GRK5: variants seen among roughly 807,000 people sequenced by gnomAD.
GRK5 encodes the protein G protein-coupled receptor kinase 5.
GRK5 carries 40 observed loss-of-function variants against 78.4 expected under a neutral mutation model. That is an observed-to-expected ratio of 0.51 (90% CI 0.40 to 0.66). GRK5 has a LOEUF of 0.66. Among genes scored for constraint, GRK5 ranks in the 30% least tolerant of loss-of-function variants. GRK5 has a pLI of 0.00. For missense variants in GRK5, 598 were observed against 759.9 expected (o/e 0.79, Z 2.50); for synonymous variants, 289 against 296.8 (o/e 0.97, Z 0.27).
At chr10:119,366,507 G>A (rs1436020124) in intron 2 of GRK5, among the ~76,000 whole-genome samples, 1 of 152,160 alleles carries the variant, frequency 6.6e-6, no homozygotes, top group African/African-American at 2.4e-5. Flanking sequence ...GGGCAGGAGG[G>A]GGGCAGCTAC....
intron 3 of GRK5, among the ~76,000 whole-genome samples, chr10:119,383,083 G>A (rs774109538): frequency 6.6e-6 from 1 of 152,034 alleles, no homozygotes; most frequent in Non-Finnish European, 1.5e-5. Context: ...CACTACACCC[G>A]GCTAATTTTT....
chr10:119,348,696 C>T (rs968434200), intron 2 of GRK5, among the ~76,000 whole-genome samples: 2 of 152,162 alleles, frequency 1.3e-5, no homozygotes, highest in African/African-American at 2.4e-5. Flanking sequence ...GCTTGCTGGG[C>T]GGGCACAGCT....
intron 1 of GRK5, among the ~76,000 whole-genome samples, chr10:119,254,562 TG>T (rs1031998375): frequency 3.3e-5 from 5 of 150,174 alleles, no homozygotes; most frequent in African/African-American, 1.2e-4. Context: ...CTGGCCAGTA[TG>T]GGGAGGGAGA....
At chr10:119,389,420 A>G (rs1453733304) in intron 3 of GRK5, among the ~76,000 whole-genome samples, 1 of 152,210 alleles carries the variant, frequency 6.6e-6, no homozygotes, top group East Asian at 1.9e-4. Context: ...TTTCAGGTGC[A>G]CATAGAGACA....
chr10:119,335,165 T>G (rs1850855352), intron 2 of GRK5, among the ~76,000 whole-genome samples: 1 of 140,738 alleles, frequency 7.1e-6, no homozygotes, highest in Non-Finnish European at 1.5e-5. Context: ...TCTCTCTCTC[T>G]CTCTCTCTCT....
chr10:119,427,489 C>CGCCATCATCAGCATCACA (rs1236721109), intron 6 of GRK5, among the ~76,000 whole-genome samples: 112 of 149,352 alleles, frequency 7.5e-4, no homozygotes, highest in Non-Finnish European at 1.5e-3. Flanking sequence ...TCAGCATCAC[C>CGCCATCATCAGCATCACA]GCCATCATCA....
At chr10:119,433,493 G>A (rs983573977) in intron 8 of GRK5, among the ~76,000 whole-genome samples, 1 of 152,098 alleles carries the variant, frequency 6.6e-6, no homozygotes, top group East Asian at 1.9e-4. Flanking sequence ...GAGTTCCCAC[G>A]ATGTCACCTC....
At chr10:119,366,949 T>C (rs979711787) in intron 2 of GRK5, among the ~76,000 whole-genome samples, 1 of 152,214 alleles carries the variant, frequency 6.6e-6, no homozygotes, top group Non-Finnish European at 1.5e-5. Context: ...CTTCTCAGTG[T>C]CTCGATTTTA....
intron 1 of GRK5, among the ~76,000 whole-genome samples, chr10:119,285,044 AAGGTTATG>A (rs1377508857): frequency 6.6e-6 from 1 of 152,180 alleles, no homozygotes; most frequent in Non-Finnish European, 1.5e-5. Flanking sequence ...TTCCTCATGA[AAGGTTATG>A]AGGTTTCAGA....
intron 1 of GRK5, among the ~76,000 whole-genome samples, chr10:119,262,081 T>G (rs1849417082): frequency 6.6e-6 from 1 of 152,252 alleles, no homozygotes; most frequent in Non-Finnish European, 1.5e-5. Flanking sequence ...TCACTTTCAT[T>G]CTGTACATTT....
intron 1 of GRK5, among the ~76,000 whole-genome samples, chr10:119,254,515 G>A (rs896412806): frequency 2.6e-5 from 4 of 152,118 alleles, no homozygotes; most frequent in East Asian, 3.9e-4. Flanking sequence ...ACAAGAAACC[G>A]TGCATGGGAT....
intron 2 of GRK5, chr10:119,330,319 C>T (rs1477131124): frequency 1.6e-5 from 2 of 128,302 alleles, no homozygotes; most frequent in Non-Finnish European, 3.1e-5. Flanking sequence ...ATCAGTTTTT[C>T]CTGGTTTACA....
In GRK5 at chr10:119,255,100, C is replaced by A. The variant is rs78396467; in HGVS notation, c.52+47131C>A. Among the ~76,000 whole-genome samples, 11 of 149,596 alleles carry A rather than the reference C, an allele frequency of 7.4e-5. No homozygotes were observed. In the South Asian group the frequency reaches 1.3e-3, roughly 17 times the overall value. ...GAGCAGGAAGCTCTGTGTATGTATG[C>A]GCAGGTAAGGTCGTCAGGTGGGAGG... On this transcript the variant is annotated intron_variant, in intron 1 of 15. Coordinates refer to ENST00000392870, the MANE Select transcript of GRK5 (RefSeq NM_005308.3).
At chr10:119,263,473 C>T (rs1215843848) in intron 1 of GRK5, among the ~76,000 whole-genome samples, 19 of 152,200 alleles carry the variant, frequency 1.2e-4, no homozygotes, top group Admixed American at 1.2e-3. Context: ...TACAGTTATA[C>T]AGGCCCATCA....
chr10:119,266,181 C>T (rs557777785), intron 1 of GRK5, among the ~76,000 whole-genome samples: 2 of 152,232 alleles, frequency 1.3e-5, no homozygotes, highest in East Asian at 1.9e-4. Flanking sequence ...GCTGGATGGG[C>T]GCGAAGGCTC....
At chr10:119,313,898 C>T (rs979395984) in intron 1 of GRK5, among the ~76,000 whole-genome samples, 1 of 152,182 alleles carries the variant, frequency 6.6e-6, no homozygotes, top group African/African-American at 2.4e-5. Flanking sequence ...GCTTTGGAAA[C>T]CCCAACTGTG....
intron 4 of GRK5, among the ~76,000 whole-genome samples, chr10:119,416,587 CTCTTT>C (rs1343218075): frequency 1.1e-3 from 13 of 12,278 alleles, no homozygotes; most frequent in East Asian, 0.022. Flanking sequence ...CTCTCTCTCT[CTCTTT>C]TTTTTTTTTT....
At chr10:119,212,806 C>T (rs375689461) in intron 1 of GRK5, 1 of 152,182 alleles carries the variant, frequency 6.6e-6, no homozygotes, top group East Asian at 1.9e-4. Context: ...GGAATTTCCT[C>T]AATCATACAG....
chr10:119,306,321 A>G (rs952925901), intron 1 of GRK5, among the ~76,000 whole-genome samples: 4 of 152,334 alleles, frequency 2.6e-5, no homozygotes, highest in African/African-American at 9.6e-5. Context: ...GAGTCTGTTC[A>G]GCCTGAACTG....
Sources: gnomAD v4.1 joint callset for allele counts (sites outside exome capture counted in the v4.1 genomes callset) on GRCh38, gnomAD v4.1.1 for gene constraint, MANE v1.5 for transcripts, NCBI Gene and HGNC (gene_info 2026-07-23, HGNC 2026-07-21) for gene names.